MLLT3: variants seen among roughly 807,000 people sequenced by gnomAD.
MLLT3 encodes the protein MLLT3 super elongation complex subunit.
MLLT3 carries 4 observed loss-of-function variants against 53.2 expected under a neutral mutation model. The observed-to-expected ratio is 0.08, with a 90% CI of 0.04 to 0.17. The LOEUF is 0.17. MLLT3 is among the 10% of genes least tolerant of loss of function. MLLT3 has a pLI of 1.00. For missense variants in MLLT3, 569 were observed against 684.0 expected (o/e 0.83, Z 1.87); for synonymous variants, 283 against 230.6 (o/e 1.23, Z -2.06).
intron 2 of MLLT3, among the ~76,000 whole-genome samples, chr9:20,578,650 C>T (rs1259911228): frequency 6.6e-6 from 1 of 152,090 alleles, no homozygotes; most frequent in Admixed American, 6.6e-5. Flanking sequence ...GCTAGTGCAA[C>T]TGAGGACCTG....
chr9:20,603,673 A>ATC (rs1820493147), intron 2 of MLLT3, among the ~76,000 whole-genome samples: 1 of 152,076 alleles, frequency 6.6e-6, no homozygotes, highest in Non-Finnish European at 1.5e-5. Flanking sequence ...AACTATAATA[A>ATC]TCTCACAGCT....
intron 2 of MLLT3, among the ~76,000 whole-genome samples, chr9:20,555,086 T>C (rs1445941236): frequency 6.6e-6 from 1 of 152,160 alleles, no homozygotes; most frequent in East Asian, 1.9e-4. Context: ...TAAACAAATA[T>C]GATAAAGCAT....
chr9:20,428,598 G>A lies in MLLT3; in HGVS notation c.421-14173C>T, dbSNP rs193027189. 1.0e-3 allele frequency among the ~76,000 whole-genome samples: 153 copies of A among 152,078 alleles called. No homozygotes were observed. The Middle Eastern group carries it at 0.01, about 10-fold the overall frequency. ...TTAGCCACCAATCCTCGTCTGTGAA[G>A]AAAATGATGGATGATAAATGCACAG... is the stretch of plus-strand genomic sequence containing the variant. On this transcript the variant is annotated intron_variant, in intron 4 of 10. Transcript: ENST00000380338.
In MLLT3 at chr9:20,498,227, C is replaced by CAAAAAAAAAA. The variant is rs529049653; in HGVS notation, c.194-41451_194-41442dup. Reference sequence around the variant, plus strand: ...TAGGTGACAGAGCGAGACGCTGTCTCAAAAAAAAAAAAAAAAAAAAAAAAA... The same window carrying CAAAAAAAAAA: ...TAGGTGACAGAGCGAGACGCTGTCTCAAAAAAAAAAAAAAAAAAAAAAAAAAAAAAAAAAA... On this transcript the variant is annotated intron_variant, in intron 2 of 10. Transcript: ENST00000380338. Among the ~76,000 whole-genome samples, 31 of 32,518 alleles carry CAAAAAAAAAA rather than the reference C, an allele frequency of 9.5e-4. 3 individuals are homozygous for CAAAAAAAAAA. The highest frequency in any genetic ancestry group is 2.0e-3 in the East Asian group (1 of 498). The allele number at this position is 32,518 out of a possible 152,430, so 21.3% of individuals were successfully genotyped here.
intron 2 of MLLT3, among the ~76,000 whole-genome samples, chr9:20,570,550 A>G (rs554543863): frequency 6.6e-6 from 1 of 152,330 alleles, no homozygotes; most frequent in Admixed American, 6.5e-5. Context: ...TGGAATGTCT[A>G]TAACAACAAA....
chr9:20,389,962 A>G (rs1298282837), intron 5 of MLLT3, among the ~76,000 whole-genome samples: 19 of 152,192 alleles, frequency 1.2e-4, no homozygotes, highest in Admixed American at 1.2e-3. Context: ...ATATTTTAAA[A>G]GGTTAAAATG....
chr9:20,545,550 T>A (rs1818764687), intron 2 of MLLT3, among the ~76,000 whole-genome samples: 1 of 152,002 alleles, frequency 6.6e-6, no homozygotes, highest in East Asian at 1.9e-4. Context: ...GGAGGGTGAG[T>A]TTTATGTTAT....
intron 2 of MLLT3, among the ~76,000 whole-genome samples, chr9:20,534,381 A>G (rs1436858941): frequency 1.3e-5 from 2 of 152,222 alleles, no homozygotes; most frequent in Non-Finnish European, 2.9e-5. Context: ...CTATGGCCCT[A>G]TTTTAATCCT....
intron 2 of MLLT3, among the ~76,000 whole-genome samples, chr9:20,472,561 GT>G (rs1298948879): frequency 3.9e-5 from 6 of 152,028 alleles, no homozygotes; most frequent in Non-Finnish European, 4.4e-5. Flanking sequence ...AAGGTGCCAA[GT>G]CTTTAGCAGC....
intron 4 of MLLT3, among the ~76,000 whole-genome samples, chr9:20,441,842 T>G (rs1349463187): frequency 2.6e-5 from 4 of 152,180 alleles, no homozygotes; most frequent in South Asian, 4.1e-4. Context: ...TATCCATCTC[T>G]AGGCACTGTC....
chr9:20,407,047 CCT>C (rs1223047504), intron 5 of MLLT3, among the ~76,000 whole-genome samples: 10 of 152,148 alleles, frequency 6.6e-5, no homozygotes, highest in African/African-American at 2.4e-4. Context: ...AGAAAACAAC[CCT>C]CTGTCTACTC....
chr9:20,386,478 A>C (rs949018383), intron 5 of MLLT3, among the ~76,000 whole-genome samples: 2 of 152,206 alleles, frequency 1.3e-5, no homozygotes, highest in African/African-American at 4.8e-5. Flanking sequence ...AAAGACCAAC[A>C]AGGAGTTGAT....
chr9:20,367,671 T>A (rs1821493102), intron 5 of MLLT3, among the ~76,000 whole-genome samples: 1 of 152,340 alleles, frequency 6.6e-6, no homozygotes, highest in South Asian at 2.1e-4. Context: ...TTTATTTCCA[T>A]CCTATTTTTA....
At chr9:20,501,757 CAAAAAAAAAAAAAA>C (rs936828819) in intron 2 of MLLT3, among the ~76,000 whole-genome samples, 3 of 18,596 alleles carry the variant, frequency 1.6e-4, no homozygotes, top group African/African-American at 3.9e-4. Flanking sequence ...GACTCCGTCT[CAAAAAAAAAAAAAA>C]AAAAAAAAAA....
Position 20,531,035 on chromosome 9 carries a change from T to C in MLLT3, c.194-74249A>G, listed in dbSNP as rs910289766. ...ATTTTTAAGATACTTCTAGTTTTTT[T>C]CCCAAAAAAGAAAAATCCAAGAATA... is the stretch of plus-strand genomic sequence containing the variant. On this transcript the variant is annotated intron_variant, in intron 2 of 10. Transcript: ENST00000380338. Among the ~76,000 whole-genome samples, 12 of 151,804 alleles carry C rather than the reference T, an allele frequency of 7.9e-5. No individual in the cohort carries two copies. In the East Asian group the frequency reaches 1.9e-3, roughly 24 times the overall value.
intron 2 of MLLT3, among the ~76,000 whole-genome samples, chr9:20,547,408 C>T (rs561733189): frequency 2.0e-5 from 3 of 150,668 alleles, no homozygotes; most frequent in Admixed American, 1.3e-4. Flanking sequence ...CTCTGGGAGG[C>T]CGAGGTGGGT....
rs1820774376 is a variant in MLLT3, at chr9:20,343,001, C to G, written c.*3442G>C. ...CCACCAAACAGACACTGACTGTTTC[C>G]AACACTGGACATCCAACTCCATTAA... On this transcript the variant is annotated 3_prime_UTR_variant, in exon 11 of 11. Transcript: ENST00000380338. The G allele has an allele frequency of 5.2e-6, 1 of 190,780 alleles. No individual in the cohort carries two copies. 11.8% of individuals were successfully genotyped at this position (190,780 alleles called of 1,614,324 possible).
intron 5 of MLLT3, among the ~76,000 whole-genome samples, chr9:20,382,997 C>T (rs1382551085): frequency 6.6e-6 from 1 of 151,792 alleles, no homozygotes; most frequent in Admixed American, 6.6e-5. Context: ...TTTTCTTGTG[C>T]AAATAAAAGG....
At chr9:20,425,728 G>A (rs1823124396) in intron 4 of MLLT3, among the ~76,000 whole-genome samples, 1 of 151,452 alleles carries the variant, frequency 6.6e-6, no homozygotes, top group South Asian at 2.1e-4. Context: ...TCATTAATAA[G>A]ATGAAAAAAA....
Sources: gnomAD v4.1 joint callset for allele counts (sites outside exome capture counted in the v4.1 genomes callset) on GRCh38, gnomAD v4.1.1 for gene constraint, MANE v1.5 for transcripts, NCBI Gene and HGNC (gene_info 2026-07-23, HGNC 2026-07-21) for gene names.